Variants in MERTK observed in about 807,000 individuals in gnomAD.
The protein encoded by MERTK is MER proto-oncogene, tyrosine kinase, also known as tyrosine-protein kinase Mer.
MERTK carries 69 observed loss-of-function variants against 99.3 expected under a neutral mutation model. That is an observed-to-expected ratio of 0.70 (90% CI 0.57 to 0.85). The LOEUF is 0.85. Among genes scored for constraint, MERTK ranks in the 40% least tolerant of loss-of-function variants. MERTK has a pLI of 0.00. For missense variants in MERTK, 1,125 were observed against 1,249.4 expected, an observed-to-expected ratio of 0.90 and a Z score of 1.50; for synonymous variants, 426 against 467.6, an observed-to-expected ratio of 0.91 and a Z score of 1.15.
chr2:112,028,526 T>G lies in MERTK; in HGVS notation c.2662T>G (p.Ser888Ala). 1.2e-6 allele frequency: 2 copies of G among 1,614,194 alleles called. No homozygotes were observed. Among genetic ancestry groups the G allele is most frequent in the African/African-American group, 1.3e-5 (1 of 75,024 alleles). The change falls in exon 19 of 19, where the codon TCC becomes GCC. Residue 888 changes from serine (S) to alanine (A), a missense_variant. By Grantham distance (99) the Ser-to-Ala change is moderately conservative (BLOSUM62 1). Coordinates refer to ENST00000295408, the MANE Select transcript of MERTK (RefSeq NM_006343.3). ...GAGCTCTGAGGGCCTGGCCCAGGGC[T>G]CCACCCTTGCTCCACTGGACTTGAA... ...LESSEGLAQGSTLAPLDLNID... is the reference protein window; with the variant it reads ...LESSEGLAQGATLAPLDLNID...
chr2:111,905,015 G>A (rs897498848), intron 1 of MERTK, among the ~76,000 whole-genome samples: 1 of 152,190 alleles, frequency 6.6e-6, no homozygotes, highest in African/African-American at 2.4e-5. Flanking sequence ...GCCTCCAGCC[G>A]AAGTGCTAAA....
intron 1 of MERTK, among the ~76,000 whole-genome samples, chr2:111,910,143 T>C (rs930539574): frequency 2.6e-5 from 4 of 152,288 alleles, no homozygotes; most frequent in African/African-American, 9.6e-5. Context: ...TGCATGCCTA[T>C]GGTCATAGCT....
intron 7 of MERTK, among the ~76,000 whole-genome samples, chr2:111,982,185 T>C (rs1009492569): frequency 6.6e-6 from 1 of 151,992 alleles, no homozygotes; most frequent in African/African-American, 2.4e-5. Context: ...GCCACTCAAG[T>C]AGCTGGGACT....
chr2:111,911,258 T>C (rs4848861), intron 1 of MERTK, among the ~76,000 whole-genome samples: 113,160 of 152,032 alleles, frequency 0.74, 42,202 homozygotes, highest in East Asian at 0.85. Context: ...TTCAGCTTGC[T>C]TTTTCACTGT....
At chr2:111,962,583 C>T (rs908611335) in intron 4 of MERTK, among the ~76,000 whole-genome samples, 1 of 151,962 alleles carries the variant, frequency 6.6e-6, no homozygotes, top group African/African-American at 2.4e-5. Flanking sequence ...TCCCATAAAC[C>T]CCACCCCCAC....
rs139430156 is a variant in MERTK at position 111,910,591 on chromosome 2, A to AGTGT, written c.61+11812_61+11815dup. Among the ~76,000 whole-genome samples the AGTGT allele has an allele frequency of 1.4e-3, 204 of 141,206 alleles. 1 individual carries two copies. Among genetic ancestry groups the AGTGT allele is most frequent in the East Asian group, 0.013 (60 of 4,648 alleles). The allele number at this position is 141,206 out of a possible 152,430, so 92.6% of individuals were successfully genotyped here. On this transcript the variant is annotated intron_variant, in intron 1 of 18. Coordinates refer to ENST00000295408, the MANE Select transcript of MERTK (RefSeq NM_006343.3). ...GGCTGACCCTGTAACTTAAAAAAAA[A>AGTGT]GTGTGTGTGTGTGTGTGTGTATATA...
chr2:111,982,193 A>G (rs527615301), intron 7 of MERTK, among the ~76,000 whole-genome samples: 5 of 151,706 alleles, frequency 3.3e-5, no homozygotes, highest in Admixed American at 3.3e-4. Flanking sequence ...AGTAGCTGGG[A>G]CTACACACCT....
chr2:111,949,000 G>A (rs1209914296), intron 4 of MERTK, among the ~76,000 whole-genome samples: 1 of 151,856 alleles, frequency 6.6e-6, no homozygotes, highest in African/African-American at 2.4e-5. Flanking sequence ...CACATTGATT[G>A]TCTTTCACTT....
intron 8 of MERTK, among the ~76,000 whole-genome samples, chr2:111,989,949 A>T (rs1444673589): frequency 6.6e-6 from 1 of 152,012 alleles, no homozygotes; most frequent in Non-Finnish European, 1.5e-5. Flanking sequence ...AAAAATGAAA[A>T]CTCACTCAAT....
chr2:112,018,478 A>G lies in MERTK; in HGVS notation c.2080-935A>G, dbSNP rs182682846. 2.6e-5 allele frequency among the ~76,000 whole-genome samples: 4 copies of G among 152,322 alleles called. No individual in the cohort carries two copies. In the Middle Eastern group the frequency reaches 0.014, roughly 518 times the overall value. On this transcript the variant is annotated intron_variant, in intron 15 of 18. Coordinates refer to ENST00000295408, the MANE Select transcript of MERTK (RefSeq NM_006343.3). ...TTTATTTATACAGTATGTAATTGAC[A>G]TGTGTCTTGGAGTATAAAATCATTG...
chr2:111,945,029 C>A lies in MERTK; in HGVS notation c.552C>A (p.Ile184=), dbSNP rs148690514. 8.7e-6 allele frequency: 14 copies of A among 1,613,290 alleles called. No homozygotes were observed. The African/African-American group carries it at 1.2e-4, about 14-fold the overall frequency. Residue 184 remains isoleucine (I), a synonymous_variant, in exon 3 of 19, where the codon ATC becomes ATA. Transcript: ENST00000295408. ...AGATGAAAATAAACAATGAAGAGAT[C>A]GTGTCTGATCCCATCTACATCGAAG... ...ICKMKINNEE[I]VSDPIYIEVQ... is the part of the protein sequence containing the mutation.
chr2:111,971,252 T>C (rs1676114057), intron 6 of MERTK, among the ~76,000 whole-genome samples: 1 of 152,048 alleles, frequency 6.6e-6, no homozygotes, highest in Non-Finnish European at 1.5e-5. Context: ...CTTATTTATC[T>C]TTTTGAATAA....
intron 11 of MERTK, among the ~76,000 whole-genome samples, chr2:112,002,408 T>C (rs1308815828): frequency 1.3e-5 from 2 of 152,110 alleles, no homozygotes; most frequent in African/African-American, 4.8e-5. Flanking sequence ...TTTTGTATAC[T>C]GTAGTCAAGG....
chr2:111,959,634 C>T (rs540772311), intron 4 of MERTK, among the ~76,000 whole-genome samples: 3 of 152,186 alleles, frequency 2.0e-5, no homozygotes, highest in South Asian at 2.1e-4. Context: ...TCACCATGCT[C>T]AGCTAATTTT....
chr2:112,008,780 G>A (rs992465272), intron 14 of MERTK: 3 of 441,562 alleles, frequency 6.8e-6, no homozygotes, highest in African/African-American at 4.0e-5. Context: ...AGGTGGTTGT[G>A]TTATAATTTT....
chr2:111,929,710 C>T (rs536211802), intron 2 of MERTK, among the ~76,000 whole-genome samples, 170 bp downstream of exon 2: 151 of 151,818 alleles, frequency 9.9e-4, no homozygotes, highest in African/African-American at 3.4e-3. Flanking sequence ...CCTCAGCCTC[C>T]GGCGTAGCTG....
At chr2:111,957,565 T>C (rs7569614) in intron 4 of MERTK, among the ~76,000 whole-genome samples, 103,301 of 152,012 alleles carry the variant, frequency 0.68, 35,494 homozygotes, top group South Asian at 0.79. Context: ...TTCTAATATA[T>C]CATACATCTT....
At chr2:111,963,004 C>T (rs943735479) in intron 4 of MERTK, among the ~76,000 whole-genome samples, 5 of 151,928 alleles carry the variant, frequency 3.3e-5, no homozygotes, top group African/African-American at 1.2e-4. Flanking sequence ...CCTCTGAGTT[C>T]CCTTAGTATT....
At chr2:111,898,877 C>T in intron 1 of MERTK, 81 bp downstream of exon 1, 2 of 1,407,288 alleles carry the variant, frequency 1.4e-6, no homozygotes, top group African/African-American at 1.4e-5. Flanking sequence ...GGGAGCGCGT[C>T]CACAGGGGCG....
Sources: allele counts gnomAD v4.1 joint callset (sites outside exome capture counted in the v4.1 genomes callset), GRCh38; gene constraint gnomAD v4.1.1; transcripts MANE v1.5; gene names NCBI Gene and HGNC (gene_info 2026-07-23, HGNC 2026-07-21).